UPK1B: variants seen among roughly 807,000 people sequenced by gnomAD.
UPK1B encodes the protein uroplakin 1B, also known as uroplakin-1b.
UPK1B carries 28 observed loss-of-function variants against 34.2 expected under a neutral mutation model. The observed-to-expected ratio is 0.82, with a 90% CI of 0.61 to 1.12. UPK1B has a LOEUF of 1.12. UPK1B is among the 50% of genes most tolerant of loss of function. UPK1B has a pLI of 0.00. For missense variants in UPK1B, 325 were observed against 320.9 expected (o/e 1.01, Z -0.10); for synonymous variants, 81 against 110.4 (o/e 0.73, Z 1.67).
chr3:119,190,987 A>G lies in UPK1B; in HGVS notation c.351A>G (p.Thr117=), dbSNP rs1244259900. ...ITAATQQDFF[T]PNLFLKQMLE... is the part of the protein sequence containing the mutation. ...GTTGCCTCTTCCTACTATAGTTCAC[A>G]CCCAACCTCTTCCTGAAGCAGATGC... The change falls in exon 5 of 8, where the codon ACA becomes ACG. Residue 117 remains threonine (T), a synonymous_variant. Coordinates refer to ENST00000264234, the MANE Select transcript of UPK1B (RefSeq NM_006952.4). 1.2e-6 allele frequency: 2 copies of G among 1,613,760 alleles called. No individual in the cohort carries two copies. The highest frequency in any genetic ancestry group is 1.7e-6 in the Non-Finnish European group (2 of 1,179,868).
rs761574576 is a variant in UPK1B, at chr3:119,186,794, G to A, written c.53G>A (p.Gly18Glu). 5 of 1,614,086 alleles carry A rather than the reference G, an allele frequency of 3.1e-6. No individual in the cohort carries two copies. In the East Asian group the frequency reaches 8.9e-5, roughly 29 times the overall value. ...VRCFQGLLIF[G>E]NVIIGCCGIA... ...TGCTTCCAGGGCCTGCTGATTTTTGGAAATGTGATTATTGGTGTAAGTAAT... is the reference window on the plus strand; with the variant it reads ...TGCTTCCAGGGCCTGCTGATTTTTGAAAATGTGATTATTGGTGTAAGTAAT... Residue 18 changes from glycine (G) to glutamate (E), a missense_variant, in exon 2 of 8, where the codon GGA becomes GAA. By Grantham distance (98) the Gly-to-Glu change is moderately conservative. Transcript: ENST00000264234.
chr3:119,191,432 C>T (rs1405238280), intron 5 of UPK1B, among the ~76,000 whole-genome samples: 1 of 152,086 alleles, frequency 6.6e-6, no homozygotes, highest in Non-Finnish European at 1.5e-5. Context: ...ATTTGATCAC[C>T]CAATTTTCTC....
intron 7 of UPK1B, among the ~76,000 whole-genome samples, chr3:119,203,265 C>T (rs552619282): frequency 2.9e-5 from 4 of 137,762 alleles, no homozygotes; most frequent in East Asian, 4.5e-4. Flanking sequence ...GGCGTGAACC[C>T]GGGAGGCGGA....
intron 1 of UPK1B, among the ~76,000 whole-genome samples, chr3:119,174,407 T>G (rs1251355230): frequency 2.0e-5 from 3 of 152,238 alleles, no homozygotes; most frequent in Non-Finnish European, 4.4e-5. Flanking sequence ...ATGTTTGCAT[T>G]TGTTTATAAA....
At chr3:119,184,097 G>A (rs779771396) in intron 1 of UPK1B, among the ~76,000 whole-genome samples, 1 of 151,934 alleles carries the variant, frequency 6.6e-6, no homozygotes, top group Non-Finnish European at 1.5e-5. Flanking sequence ...TTTTCTTTTT[G>A]CTCAGAGCAA....
intron 1 of UPK1B, among the ~76,000 whole-genome samples, chr3:119,183,274 T>G (rs528883990): frequency 1.3e-5 from 2 of 151,370 alleles, no homozygotes; most frequent in South Asian, 2.1e-4. Context: ...TTTTTTTGTT[T>G]TTTTTTTTTT....
At chr3:119,198,554 T>C (rs1028402095) in intron 6 of UPK1B, among the ~76,000 whole-genome samples, 1 of 152,226 alleles carries the variant, frequency 6.6e-6, no homozygotes, top group Non-Finnish European at 1.5e-5. Context: ...TGTTGAAATA[T>C]AACATCAAAT....
At chr3:119,177,793 G>C (rs1345301219) in intron 1 of UPK1B, among the ~76,000 whole-genome samples, 2 of 152,160 alleles carry the variant, frequency 1.3e-5, no homozygotes, top group East Asian at 3.8e-4. Flanking sequence ...GTGAAGAAAA[G>C]ACGTAACAAC....
At chr3:119,174,535 CAGG>C (rs141838465) in intron 1 of UPK1B, among the ~76,000 whole-genome samples, 6,644 of 152,214 alleles carry the variant, frequency 0.044, 203 homozygotes, top group South Asian at 0.086. Flanking sequence ...GCCACGTGAT[CAGG>C]AGTTCTAGTC....
At chr3:119,178,728 T>C (rs2077971064) in intron 1 of UPK1B, among the ~76,000 whole-genome samples, 1 of 152,160 alleles carries the variant, frequency 6.6e-6, no homozygotes, top group South Asian at 2.1e-4. Context: ...TTCCTCAAAT[T>C]AGGAAATGAC....
intron 1 of UPK1B, among the ~76,000 whole-genome samples, chr3:119,183,030 C>G (rs2077996080): frequency 6.6e-6 from 1 of 152,156 alleles, no homozygotes; most frequent in Admixed American, 6.5e-5. Context: ...TGAAGAAAAG[C>G]CTAGTGTTTC....
In UPK1B at chr3:119,201,527, G is replaced by A. The variant is rs761361237; in HGVS notation, c.732+2387G>A. Among the ~76,000 whole-genome samples, 32 of 152,112 alleles carry A rather than the reference G, an allele frequency of 2.1e-4. 1 individual carries two copies. Among genetic ancestry groups the A allele is most frequent in the Non-Finnish European group, 3.5e-4 (24 of 68,020 alleles). On this transcript the variant is annotated intron_variant, in intron 7 of 7. Transcript: ENST00000264234. The stretch of plus-strand genomic sequence containing the variant: ...ACGAGAACGGCACAGAAAAAAACCC[G>A]GTCGCATGATTCAATTATTTCCCAT...
At chr3:119,194,955 A>T (rs1559903482) in intron 6 of UPK1B, among the ~76,000 whole-genome samples, 1 of 152,248 alleles carries the variant, frequency 6.6e-6, no homozygotes, top group Non-Finnish European at 1.5e-5. Flanking sequence ...GATTACGATC[A>T]TGAAAACTAA....
chr3:119,201,272 G>T (rs561629189), intron 7 of UPK1B, among the ~76,000 whole-genome samples: 1 of 152,314 alleles, frequency 6.6e-6, no homozygotes, highest in Admixed American at 6.5e-5. Context: ...TTTACTATGT[G>T]TATTAGTCCA....
At chr3:119,198,484 A>G (rs901147941) in intron 6 of UPK1B, among the ~76,000 whole-genome samples, 1 of 152,230 alleles carries the variant, frequency 6.6e-6, no homozygotes, top group Non-Finnish European at 1.5e-5. Flanking sequence ...GAATAAAAAA[A>G]TTATTCCTTT....
At chr3:119,188,560 G>C (rs1411705244) in intron 3 of UPK1B, among the ~76,000 whole-genome samples, 3 of 152,188 alleles carry the variant, frequency 2.0e-5, no homozygotes, top group Non-Finnish European at 4.4e-5. Context: ...ACTGTAGAGT[G>C]AGCCTTCAGC....
At chr3:119,174,751 CAT>C (rs1401594642) in intron 1 of UPK1B, among the ~76,000 whole-genome samples, 3 of 152,190 alleles carry the variant, frequency 2.0e-5, no homozygotes, top group Admixed American at 2.0e-4. Context: ...ATTTAGGTTA[CAT>C]AGTTTTCAGA....
intron 6 of UPK1B, among the ~76,000 whole-genome samples, chr3:119,195,994 C>T (rs560234742): frequency 4.3e-4 from 53 of 123,228 alleles, no homozygotes; most frequent in African/African-American, 1.4e-3. Context: ...ATTCCACCTC[C>T]ACTACCCTAC....
intron 1 of UPK1B, 81 bp from the exon 2 acceptor site, chr3:119,186,633 G>T: frequency 9.6e-7 from 1 of 1,041,942 alleles, no homozygotes; most frequent in Non-Finnish European, 1.4e-6. Flanking sequence ...GGATGCTTTG[G>T]GAACAAGGAG....
Sources: gnomAD v4.1 joint callset for allele counts (sites outside exome capture counted in the v4.1 genomes callset) on GRCh38, gnomAD v4.1.1 for gene constraint, MANE v1.5 for transcripts, NCBI Gene and HGNC (gene_info 2026-07-23, HGNC 2026-07-21) for gene names.